Variants in MACROD2 observed in about 807,000 individuals in gnomAD.
MACROD2 encodes mono-ADP ribosylhydrolase 2.
A neutral mutation model predicts 70.4 loss-of-function variants in MACROD2; 36 were observed. The ratio of observed to expected loss-of-function variants is 0.51; its 90% CI spans 0.39 to 0.68. The LOEUF (loss-of-function observed/expected upper bound fraction) is 0.68, where lower values mean the gene tolerates loss of function less well. MACROD2 is among the 30% of genes least tolerant of loss of function. The pLI is 0.00. For missense variants in MACROD2, 496 were observed against 538.4 expected, an observed-to-expected ratio of 0.92 and a Z score of 0.78; for synonymous variants, 172 against 178.8, an observed-to-expected ratio of 0.96 and a Z score of 0.30.
chr20:15,862,676 A>G (rs1336139951), intron 8 of MACROD2, 69 bp from the exon 9 acceptor site: 1 of 1,274,280 alleles, frequency 7.8e-7, no homozygotes, highest in African/African-American at 1.5e-5. Flanking sequence ...TTTTTGTTCT[A>G]CGGCTATGTC....
Position 14,065,097 on chromosome 20 carries a change from T to C in MACROD2, c.164-20524T>C, listed in dbSNP as rs574071752. Reference sequence around the variant, plus strand: ...CTGAACTCAGTGTGTCAGTTCAACCTCTGCACCTTTGAATTTGGCTGGACT... The same window carrying C: ...CTGAACTCAGTGTGTCAGTTCAACCCCTGCACCTTTGAATTTGGCTGGACT... On this transcript the variant is annotated intron_variant, in intron 2 of 17. Coordinates refer to ENST00000684519, the MANE Select transcript of MACROD2 (RefSeq NM_001351661.2). Among the ~76,000 whole-genome samples, 141 of 152,328 alleles carry C rather than the reference T, an allele frequency of 9.3e-4. 2 individuals are homozygous for C. The highest frequency in any genetic ancestry group is 5.0e-3 in the South Asian group (24 of 4,826).
intron 3 of MACROD2, among the ~76,000 whole-genome samples, chr20:14,190,873 A>G (rs1027743523): frequency 1.3e-5 from 2 of 150,720 alleles, no homozygotes; most frequent in African/African-American, 4.9e-5. Flanking sequence ...ACGCCGGGCT[A>G]ATATTTTGTA....
rs1326505790 is a variant in MACROD2 at position 14,702,663 on chromosome 20, G to A, written c.418+17704G>A. Among the ~76,000 whole-genome samples the A allele has an allele frequency of 7.0e-4, 51 of 72,464 alleles. 1 individual carries two copies. The highest frequency in any genetic ancestry group is 1.1e-3 in the Non-Finnish European group (41 of 37,164). 47.5% of individuals were successfully genotyped at this position (72,464 alleles called of 152,430 possible). On this transcript the variant is annotated intron_variant, in intron 5 of 17. Transcript: ENST00000684519. ...TATATATATATACACATATATATGT[G>A]TATATATATATACACATATATGTGT...
intron 5 of MACROD2, among the ~76,000 whole-genome samples, chr20:15,021,219 CAG>C (rs374681196): frequency 0.023 from 1,776 of 77,548 alleles, 186 homozygotes; most frequent in African/African-American, 0.045. Context: ...TATACACATA[CAG>C]GTGTGCGTAT....
At chr20:15,500,485 G>A (rs754276417) in intron 8 of MACROD2, among the ~76,000 whole-genome samples, 4 of 152,158 alleles carry the variant, frequency 2.6e-5, no homozygotes, top group East Asian at 1.9e-4. Context: ...AGAGACCGTG[G>A]AGCGTTAAAT....
intron 8 of MACROD2, among the ~76,000 whole-genome samples, chr20:15,603,906 G>A (rs1447432732): frequency 1.3e-5 from 2 of 152,004 alleles, no homozygotes; most frequent in East Asian, 1.9e-4. Flanking sequence ...TGAACAATAT[G>A]TGTTCTGGAA....
rs150098131 is a variant in MACROD2 at position 15,634,651 on chromosome 20, A to G, written c.645+134804A>G. Reference sequence around the variant, plus strand: ...CCAGACCATCCCCATGGCTGTGGCAATGGTACTAAAGCCACATTCCATTGG... The same window carrying G: ...CCAGACCATCCCCATGGCTGTGGCAGTGGTACTAAAGCCACATTCCATTGG... On this transcript the variant is annotated intron_variant, in intron 8 of 17. Transcript: ENST00000684519. Among the ~76,000 whole-genome samples, 823 of 152,336 alleles carry G rather than the reference A, an allele frequency of 5.4e-3. 7 individuals carry two copies. The highest frequency in any genetic ancestry group is 0.019 in the African/African-American group (794 of 41,578).
chr20:15,241,979 T>G lies in MACROD2; in HGVS notation c.540+11918T>G, dbSNP rs1328339436. On this transcript the variant is annotated intron_variant, in intron 6 of 17. Coordinates refer to ENST00000684519, the MANE Select transcript of MACROD2 (RefSeq NM_001351661.2). ...CCTTCAACAAAATGCAATTAGATTC[T>G]CCAAGGCATGTATTAAATATGAAAG... Among the ~76,000 whole-genome samples, 3 of 152,076 alleles carry G rather than the reference T, an allele frequency of 2.0e-5. No individual in the cohort carries two copies. The East Asian group carries it at 5.8e-4, about 29-fold the overall frequency.
chr20:14,313,417 G>A (rs1173828985), intron 3 of MACROD2, among the ~76,000 whole-genome samples: 1 of 139,316 alleles, frequency 7.2e-6, no homozygotes, highest in Non-Finnish European at 1.5e-5. Flanking sequence ...ACTGTAAACT[G>A]CTGCTTTCCC....
Position 14,817,973 on chromosome 20 carries a change from A to G in MACROD2, c.418+133014A>G, listed in dbSNP as rs75010462. Among the ~76,000 whole-genome samples, 105 of 152,262 alleles carry G rather than the reference A, an allele frequency of 6.9e-4. 1 individual carries two copies. In the East Asian group the frequency reaches 0.019, roughly 27 times the overall value. On this transcript the variant is annotated intron_variant, in intron 5 of 17. Transcript: ENST00000684519. ...GCCAGTTGGGGCACACTGAAGCAGT[A>G]ACAGCTAAGTGCTCTAGGTGGGCCA...
At chr20:15,632,998 AC>A (rs932965132) in intron 8 of MACROD2, among the ~76,000 whole-genome samples, 1 of 150,082 alleles carries the variant, frequency 6.7e-6, no homozygotes, top group Non-Finnish European at 1.5e-5. Flanking sequence ...TGTTATACCT[AC>A]CTACCTACTT....
intron 5 of MACROD2, among the ~76,000 whole-genome samples, chr20:15,048,463 T>TAAA (rs34212655): frequency 1.5e-4 from 22 of 145,754 alleles, no homozygotes; most frequent in African/African-American, 4.8e-4. Flanking sequence ...TACTTTTCTG[T>TAAA]AAAAAAAAAA....
intron 2 of MACROD2, among the ~76,000 whole-genome samples, chr20:14,064,492 T>C (rs185631958): frequency 6.6e-6 from 1 of 152,330 alleles, no homozygotes; most frequent in African/African-American, 2.4e-5. Context: ...GCATTACCTC[T>C]CATAGCCTCC....
At chr20:14,164,192 A>G (rs1400199842) in intron 3 of MACROD2, among the ~76,000 whole-genome samples, 1 of 151,972 alleles carries the variant, frequency 6.6e-6, no homozygotes, top group Non-Finnish European at 1.5e-5. Context: ...TACAGCTTCT[A>G]TGTAATTTCT....
chr20:14,579,050 T>C (rs1482994138), intron 4 of MACROD2, among the ~76,000 whole-genome samples: 2 of 152,178 alleles, frequency 1.3e-5, no homozygotes, highest in Non-Finnish European at 2.9e-5. Context: ...TTTCATTCTA[T>C]TTTAATTCAG....
intron 15 of MACROD2, among the ~76,000 whole-genome samples, chr20:15,995,154 A>T (rs1201817786): frequency 5.3e-5 from 8 of 152,108 alleles, no homozygotes; most frequent in Admixed American, 5.2e-4. Flanking sequence ...CCTACTGCAC[A>T]TTGTATAACT....
intron 5 of MACROD2, among the ~76,000 whole-genome samples, chr20:14,990,402 G>C (rs1568915282): frequency 1.3e-5 from 2 of 151,894 alleles, no homozygotes; most frequent in Admixed American, 1.3e-4. Context: ...GAAGACAGGG[G>C]CTCAACTCCA....
At chr20:14,467,804 G>T (rs182495250) in intron 3 of MACROD2, among the ~76,000 whole-genome samples, 4 of 152,190 alleles carry the variant, frequency 2.6e-5, no homozygotes, top group African/African-American at 9.6e-5. Context: ...ATTCTGGTAC[G>T]TTGTGTCATT....
At chr20:15,214,803 G>T (rs2076794673) in intron 5 of MACROD2, among the ~76,000 whole-genome samples, 1 of 152,158 alleles carries the variant, frequency 6.6e-6, no homozygotes, top group African/African-American at 2.4e-5. Context: ...CAGTAAGACT[G>T]TTAAAATTCT....
Sources: allele counts gnomAD v4.1 joint callset (sites outside exome capture counted in the v4.1 genomes callset), GRCh38; gene constraint gnomAD v4.1.1; transcripts MANE v1.5; gene names NCBI Gene and HGNC (gene_info 2026-07-23, HGNC 2026-07-21).